ABCA9: variants seen among roughly 807,000 people sequenced by gnomAD.
The protein encoded by ABCA9 is ATP binding cassette subfamily A member 9.
Under a neutral mutation model 205.3 loss-of-function variants are expected in ABCA9, and 183 were observed. The ratio of observed to expected loss-of-function variants is 0.89; its 90% CI spans 0.79 to 1.01. ABCA9 has a LOEUF of 1.01. Among genes scored for constraint, ABCA9 ranks in the 50% least tolerant of loss-of-function variants. The pLI is 0.00. For missense variants in ABCA9, 1,805 were observed against 1,912.4 expected, an observed-to-expected ratio of 0.94 and a Z score of 1.05; for synonymous variants, 651 against 683.3, an observed-to-expected ratio of 0.95 and a Z score of 0.74.
In ABCA9 at chr17:69,006,069, A is replaced by T. The variant is rs139183232; in HGVS notation, c.3435+1690T>A. On this transcript the variant is annotated intron_variant, in intron 25 of 38. Transcript: ENST00000340001. The stretch of plus-strand genomic sequence containing the variant: ...AACATATAGCTAATTTTTTTAACCC[A>T]GTCTGGAAGTCATTGTCTTTTCTTC... 5.3e-5 allele frequency among the ~76,000 whole-genome samples: 8 copies of T among 152,278 alleles called. No homozygotes were observed. In the East Asian group the frequency reaches 1.5e-3, roughly 29 times the overall value.
chr17:69,060,722 A>T, intron 1 of ABCA9, 144 bp downstream of exon 1: 1 of 521,584 alleles, frequency 1.9e-6, no homozygotes, highest in Non-Finnish European at 2.5e-6. Flanking sequence ...ATACAAAATA[A>T]AATAGATGAT....
chr17:68,997,151 G>A (rs1437579595), intron 25 of ABCA9, among the ~76,000 whole-genome samples: 3 of 152,170 alleles, frequency 2.0e-5, no homozygotes, highest in Non-Finnish European at 2.9e-5. Flanking sequence ...GGCTGGTCTC[G>A]AACTCCTGAC....
At chr17:69,072,320 G>T in the ABCA9 span, among the ~76,000 whole-genome samples, 1 of 152,076 alleles carries the variant, frequency 6.6e-6, no homozygotes, top group South Asian at 2.1e-4. Flanking sequence ...TGAAATGAGG[G>T]AAAAAATGTT....
In ABCA9 at chr17:69,053,632, T is replaced by A. The variant is rs189724751; in HGVS notation, c.-13-2493A>T. On this transcript the variant is annotated intron_variant, in intron 1 of 38. Coordinates refer to ENST00000340001, the MANE Select transcript of ABCA9 (RefSeq NM_080283.4). ...AGCTGAGAAAAGAATCCAAAACTTT[T>A]TGAAAAGAAAACAAAAAAAGACTGA... is the stretch of plus-strand genomic sequence containing the variant. Among the ~76,000 whole-genome samples, 128 of 152,056 alleles carry A rather than the reference T, an allele frequency of 8.4e-4. 1 individual carries two copies. Among genetic ancestry groups the A allele is most frequent in the African/African-American group, 3.0e-3 (125 of 41,452 alleles).
chr17:68,985,058 G>A lies in ABCA9; in HGVS notation c.4279C>T (p.Arg1427Ter), dbSNP rs374600027. The A allele has an allele frequency of 5.4e-5, 87 of 1,614,022 alleles. No homozygotes were observed. Among genetic ancestry groups the A allele is most frequent in the East Asian group, 6.7e-5 (3 of 44,888 alleles). Residue 1427 changes from arginine (R) to a stop codon, truncating the protein, a stop_gained, in exon 33 of 39, where the codon CGA (arginine) becomes TGA (stop). Transcript: ENST00000340001. LOFTEE classifies it high-confidence loss of function. The part of the protein sequence containing the change: ...PVKTLSEGIK[R>*]KLCFVLSILG... The stretch of plus-strand genomic sequence containing the variant: ...ACAACAAGCCCTGCCCGTACCTTTC[G>A]CTTTATTCCCTCTGACAAGGTCTTC...
At chr17:69,070,712 C>T in the ABCA9 span, among the ~76,000 whole-genome samples, 2 of 152,138 alleles carry the variant, frequency 1.3e-5, no homozygotes, top group Non-Finnish European at 1.5e-5. Context: ...TTTTGTACCC[C>T]AGTGGCACCT....
At chr17:69,021,887 A>G (rs755816828) in intron 17 of ABCA9, 26 bp from the exon 18 acceptor site, 1 of 1,362,124 alleles carries the variant, frequency 7.3e-7, no homozygotes, top group South Asian at 1.5e-5. Flanking sequence ...AAAACAGATT[A>G]TAAGAATATA....
chr17:69,045,207 C>G lies in ABCA9; in HGVS notation c.434G>C (p.Arg145Thr). ...TCTGTGCTCTTTCATCATGGGGATT[C>G]TATGTCCCCAAGAAAACTTCAAATG... ...SYHLKFSWGH[R>T]IPMMKEHRDH... Residue 145 changes from arginine to threonine, a missense_variant, in exon 4 of 39, where the codon AGA becomes ACA. Arg to Thr is a moderately conservative substitution (Grantham distance 71). Coordinates refer to ENST00000340001, the MANE Select transcript of ABCA9 (RefSeq NM_080283.4). 1 of 1,612,744 alleles carries G rather than the reference C, an allele frequency of 6.2e-7. No individual in the cohort carries two copies. The highest frequency in any genetic ancestry group is 8.5e-7 in the Non-Finnish European group (1 of 1,179,498).
At chr17:69,077,372 G>A in the ABCA9 span, among the ~76,000 whole-genome samples, 1 of 152,090 alleles carries the variant, frequency 6.6e-6, no homozygotes, top group African/African-American at 2.4e-5. Flanking sequence ...TGAGAGTATG[G>A]TTGGTATGAT....
chr17:68,977,751 G>A (rs535649911), intron 37 of ABCA9, among the ~76,000 whole-genome samples: 7 of 152,180 alleles, frequency 4.6e-5, no homozygotes, highest in Non-Finnish European at 7.3e-5. Flanking sequence ...ATGTAACAGT[G>A]TCCAAGAACA....
the ABCA9 span, among the ~76,000 whole-genome samples, chr17:69,071,028 A>G: frequency 6.6e-6 from 1 of 152,160 alleles, no homozygotes; most frequent in Non-Finnish European, 1.5e-5. Context: ...CTATAGCCAG[A>G]CTGCCTCTCT....
intron 23 of ABCA9, among the ~76,000 whole-genome samples, chr17:69,011,659 T>C (rs2070379437): frequency 6.6e-6 from 1 of 152,148 alleles, no homozygotes; most frequent in South Asian, 2.1e-4. Context: ...ATCTGGAAAG[T>C]AGAAACCACC....
chr17:69,000,318 G>C (rs1298811461), intron 25 of ABCA9, among the ~76,000 whole-genome samples: 1 of 149,934 alleles, frequency 6.7e-6, no homozygotes, highest in South Asian at 2.1e-4. Flanking sequence ...GTGTAAGGAA[G>C]GGATCCAGTT....
chr17:69,008,314 GCATT>G (rs2070235279), intron 23 of ABCA9, 79 bp from the exon 24 acceptor site: 1 of 1,352,446 alleles, frequency 7.4e-7, no homozygotes, highest in African/African-American at 1.5e-5. Flanking sequence ...AGTCATGAAA[GCATT>G]CATTTTTGCT....
intron 1 of ABCA9, among the ~76,000 whole-genome samples, chr17:69,056,035 C>T (rs764580158): frequency 2.0e-5 from 3 of 152,104 alleles, no homozygotes; most frequent in Non-Finnish European, 4.4e-5. Context: ...GAGAAATTTA[C>T]AGCATCCAAT....
intron 25 of ABCA9, among the ~76,000 whole-genome samples, chr17:69,007,297 A>G (rs1269677107): frequency 6.6e-6 from 1 of 152,170 alleles, no homozygotes; most frequent in East Asian, 1.9e-4. Flanking sequence ...GCTACTCAGG[A>G]GGCTGAGGCA....
Position 68,999,647 on chromosome 17 carries a change from T to C in ABCA9, c.3436-3633A>G, listed in dbSNP as rs1319160447. Among the ~76,000 whole-genome samples the C allele has an allele frequency of 2.6e-5, 4 of 151,900 alleles. No homozygotes were observed. In the East Asian group the frequency reaches 5.8e-4, roughly 22 times the overall value. Reference sequence around the variant, plus strand: ...AGTCCTTTGGGTATATACGCAGTAATGGGATGGCTGGGTCAAATGGTATTT... The same window carrying C: ...AGTCCTTTGGGTATATACGCAGTAACGGGATGGCTGGGTCAAATGGTATTT... On this transcript the variant is annotated intron_variant, in intron 25 of 38. Coordinates refer to ENST00000340001, the MANE Select transcript of ABCA9 (RefSeq NM_080283.4).
intron 19 of ABCA9, 30 bp downstream of exon 19, chr17:69,020,358 A>G (rs776088213): frequency 1.7e-5 from 27 of 1,563,144 alleles, no homozygotes; most frequent in Non-Finnish European, 2.3e-5. Context: ...GTTCACAGAC[A>G]AAACAAATCT....
chr17:69,044,712 T>C, intron 4 of ABCA9, 112 bp from the exon 5 acceptor site: 1 of 889,208 alleles, frequency 1.1e-6, no homozygotes, highest in Non-Finnish European at 1.7e-6. Context: ...TAGTGGATGG[T>C]AAGTCTTCTC....
Sources: gnomAD v4.1 joint callset for allele counts (sites outside exome capture counted in the v4.1 genomes callset) on GRCh38, gnomAD v4.1.1 for gene constraint, MANE v1.5 for transcripts, NCBI Gene and HGNC (gene_info 2026-07-23, HGNC 2026-07-21) for gene names.